Variants in CPPED1 observed in about 807,000 individuals in gnomAD.
CPPED1 encodes serine/threonine-protein phosphatase CPPED1.
CPPED1 carries 28 observed loss-of-function variants against 28.0 expected under a neutral mutation model. The observed-to-expected ratio is 1.00, with a 90% CI of 0.74 to 1.37. The LOEUF is 1.37. CPPED1 is among the 40% of genes most tolerant of loss of function. CPPED1 has a pLI of 0.00. For synonymous variants in CPPED1, 198 were observed against 180.2 expected (o/e 1.10, Z -0.79); for missense variants, 504 against 416.5 (o/e 1.21, Z -1.83).
At position 12,682,468 on chromosome 16, in the gene CPPED1, T is replaced by C. The variant is rs755214; in HGVS notation, c.716-17353A>G. 0.17 allele frequency among the ~76,000 whole-genome samples: 25,628 copies of C among 152,092 alleles called. 2,661 individuals carry two copies. Among genetic ancestry groups the C allele is most frequent in the African/African-American group, 0.28 (11,534 of 41,452 alleles). On this transcript the variant is annotated intron_variant, in intron 3 of 3. Transcript: ENST00000381774. The surrounding 1 kb of genome is among the most constrained non-coding windows in gnomAD (Gnocchi z 6.1). Reference sequence around the variant, plus strand: ...TTTTTTTAATACTAATATTTGGTTGTCAGAAAAGCAGTGGCAGCCTGGGGT... The same window carrying C: ...TTTTTTTAATACTAATATTTGGTTGCCAGAAAAGCAGTGGCAGCCTGGGGT...
chr16:12,758,224 G>A (rs1472081580), intron 2 of CPPED1, among the ~76,000 whole-genome samples: 2 of 152,080 alleles, frequency 1.3e-5, no homozygotes, highest in Non-Finnish European at 2.9e-5. Flanking sequence ...TTATAATCTT[G>A]TTTAATCCTC....
At chr16:12,758,829 CGATGAT>C (rs56848342) in intron 2 of CPPED1, among the ~76,000 whole-genome samples, 12 of 151,674 alleles carry the variant, frequency 7.9e-5, no homozygotes, top group Admixed American at 5.9e-4. Flanking sequence ...TAATAAGACA[CGATGAT>C]GATGATGATG....
intron 2 of CPPED1, among the ~76,000 whole-genome samples, chr16:12,713,497 C>G (rs1353962629): frequency 1.3e-5 from 2 of 152,272 alleles, no homozygotes; most frequent in Non-Finnish European, 2.9e-5. Context: ...TCCTGAGTAG[C>G]TGGGATTACA....
intron 3 of CPPED1, among the ~76,000 whole-genome samples, chr16:12,667,623 G>C (rs886666458): frequency 3.3e-5 from 5 of 152,070 alleles, no homozygotes; most frequent in Non-Finnish European, 5.9e-5. Flanking sequence ...ATCAATTCTA[G>C]ACATCAATCA....
chr16:12,693,010 G>A (rs1029670948), intron 3 of CPPED1, among the ~76,000 whole-genome samples: 3 of 152,164 alleles, frequency 2.0e-5, no homozygotes, highest in African/African-American at 7.2e-5. Context: ...AGGGAGACGT[G>A]TGAGGAAAAA....
At chr16:12,731,370 T>C (rs1422787006) in intron 2 of CPPED1, among the ~76,000 whole-genome samples, 3 of 150,092 alleles carry the variant, frequency 2.0e-5, no homozygotes, top group African/African-American at 5.0e-5. Context: ...AGAAAAATTT[T>C]TTTTAATTAA....
intron 3 of CPPED1, among the ~76,000 whole-genome samples, chr16:12,676,298 C>G (rs762722428): frequency 7.2e-5 from 11 of 152,242 alleles, no homozygotes; most frequent in Non-Finnish European, 1.5e-4. Context: ...GTGGTGGGAT[C>G]AACCATTCCC....
At chr16:12,711,923 AG>A (rs2080082183) in intron 2 of CPPED1, among the ~76,000 whole-genome samples, 1 of 152,132 alleles carries the variant, frequency 6.6e-6, no homozygotes, top group Admixed American at 6.5e-5. Flanking sequence ...CCCCCTACCC[AG>A]GGAAGAGACA....
chr16:12,671,867 A>C (rs2079854369), intron 3 of CPPED1, among the ~76,000 whole-genome samples: 1 of 152,254 alleles, frequency 6.6e-6, no homozygotes, highest in African/African-American at 2.4e-5. Context: ...ATGTCTAGAT[A>C]CACAAATCCC....
At chr16:12,802,178 G>A (rs1397112301) in intron 1 of CPPED1, among the ~76,000 whole-genome samples, 4 of 152,118 alleles carry the variant, frequency 2.6e-5, no homozygotes, top group Non-Finnish European at 1.5e-5. Flanking sequence ...GGTTTGGAGA[G>A]GCAAAGGGAA....
rs1183887437 is a variant in CPPED1 at position 12,660,533 on chromosome 16, G to GTA, written c.*4351_*4352dup. Reference sequence around the variant, plus strand: ...TGTGTGTGTGTGTGTGTGTGTGTGTGTACTCATTAAAAAATACATAAGAGC... The same window carrying GTA: ...TGTGTGTGTGTGTGTGTGTGTGTGTGTATACTCATTAAAAAATACATAAGAGC... On this transcript the variant is annotated 3_prime_UTR_variant, in exon 4 of 4. Transcript: ENST00000381774. 1 of 148,812 alleles carries GTA rather than the reference G, an allele frequency of 6.7e-6. No homozygotes were observed. Among genetic ancestry groups the GTA allele is most frequent in the Non-Finnish European group, 1.5e-5 (1 of 67,522 alleles). 9.2% of individuals were successfully genotyped at this position (148,812 alleles called of 1,614,324 possible). A position where few individuals can be genotyped will look rare whatever the true frequency, so the allele number is the denominator to read the frequency against.
chr16:12,691,619 A>G (rs1383894814), intron 3 of CPPED1, among the ~76,000 whole-genome samples: 2 of 152,162 alleles, frequency 1.3e-5, no homozygotes, highest in East Asian at 1.9e-4. Context: ...TACAGCATGG[A>G]ATACTATGCA....
intron 3 of CPPED1, among the ~76,000 whole-genome samples, chr16:12,699,692 T>A (rs1425539510): frequency 6.6e-6 from 1 of 152,144 alleles, no homozygotes; most frequent in African/African-American, 2.4e-5. Flanking sequence ...TAATTAAAAG[T>A]TACCCTGATA....
chr16:12,665,431 A>C (rs982130558), intron 3 of CPPED1, among the ~76,000 whole-genome samples: 1 of 152,168 alleles, frequency 6.6e-6, no homozygotes, highest in Admixed American at 6.5e-5. Flanking sequence ...GAAAAGACAA[A>C]GGAGACTGAA....
At chr16:12,741,863 G>A (rs1029195867) in intron 2 of CPPED1, among the ~76,000 whole-genome samples, 11 of 152,066 alleles carry the variant, frequency 7.2e-5, no homozygotes, top group African/African-American at 2.4e-4. Flanking sequence ...CCAGGAGTTC[G>A]AAACCAGCAT....
intron 1 of CPPED1, among the ~76,000 whole-genome samples, chr16:12,783,802 A>C (rs2080546711): frequency 6.6e-6 from 1 of 152,202 alleles, no homozygotes; most frequent in Non-Finnish European, 1.5e-5. Context: ...ACAGTCCTCA[A>C]CTTACAGCAC....
chr16:12,769,245 A>T (rs1024347848), intron 2 of CPPED1, among the ~76,000 whole-genome samples: 2 of 142,884 alleles, frequency 1.4e-5, no homozygotes, highest in Admixed American at 6.9e-5. Flanking sequence ...CCAACACATG[A>T]ATTATTACTA....
chr16:12,771,856 C>T (rs2080472033), intron 2 of CPPED1, among the ~76,000 whole-genome samples: 1 of 152,182 alleles, frequency 6.6e-6, no homozygotes, highest in African/African-American at 2.4e-5. Flanking sequence ...GGCATGGTGG[C>T]TCATGTATGT....
intron 2 of CPPED1, among the ~76,000 whole-genome samples, chr16:12,743,046 A>T (rs536466788): frequency 3.3e-5 from 5 of 152,316 alleles, no homozygotes; most frequent in Non-Finnish European, 5.9e-5. Context: ...CTGGTCACTT[A>T]GGCAGCCTCT....
Sources: allele counts gnomAD v4.1 joint callset (sites outside exome capture counted in the v4.1 genomes callset), GRCh38; gene constraint gnomAD v4.1.1; non-coding constraint Gnocchi (gnomAD v3.1); transcripts MANE v1.5; gene names NCBI Gene and HGNC (gene_info 2026-07-23, HGNC 2026-07-21).